RALYL: variants seen among roughly 807,000 people sequenced by gnomAD.
The protein encoded by RALYL is RNA-binding Raly-like protein.
A neutral mutation model predicts 35.1 loss-of-function variants in RALYL; 29 were observed. The observed-to-expected ratio is 0.83, with a 90% CI of 0.61 to 1.13. The LOEUF (loss-of-function observed/expected upper bound fraction) is 1.13, where lower values mean the gene tolerates loss of function less well. Ranked by LOEUF, RALYL falls within the 50% of genes most tolerant of loss-of-function variation. RALYL has a pLI of 0.00. For missense variants in RALYL, 359 were observed against 360.4 expected, an observed-to-expected ratio of 1.00 and a Z score of 0.03; for synonymous variants, 120 against 127.6, an observed-to-expected ratio of 0.94 and a Z score of 0.40.
At chr8:84,384,288 C>T (rs540125376) in intron 1 of RALYL, among the ~76,000 whole-genome samples, 22 of 151,670 alleles carry the variant, frequency 1.5e-4, no homozygotes, top group Admixed American at 3.9e-4. Flanking sequence ...ACTTTGAAAA[C>T]GAAAATCCTT....
At position 84,498,874 on chromosome 8, in the gene RALYL, A is replaced by T. The variant is rs935300849; in HGVS notation, c.-23-30425A>T. On this transcript the variant is annotated intron_variant, in intron 1 of 8. Transcript: ENST00000521268. ...TAATAACTTTAAAAGAACTAGAATT[A>T]AAAAAAATCCAGCATAATAATATTC... Among the ~76,000 whole-genome samples the T allele has an allele frequency of 4.6e-5, 7 of 152,140 alleles. No individual in the cohort carries two copies. In the East Asian group the frequency reaches 5.8e-4, roughly 13 times the overall value.
At chr8:84,233,743 G>T (rs1293734781) in intron 1 of RALYL, among the ~76,000 whole-genome samples, 3 of 152,140 alleles carry the variant, frequency 2.0e-5, no homozygotes, top group Non-Finnish European at 4.4e-5. Context: ...TCATATTCTG[G>T]GGTCTCATGG....
chr8:84,554,024 C>T (rs963213932), intron 2 of RALYL, among the ~76,000 whole-genome samples: 6 of 152,154 alleles, frequency 3.9e-5, no homozygotes, highest in African/African-American at 1.2e-4. Flanking sequence ...GACATAATCA[C>T]ATCCCTAATA....
chr8:84,699,487 G>A (rs1287491257), intron 2 of RALYL, among the ~76,000 whole-genome samples: 3 of 151,976 alleles, frequency 2.0e-5, no homozygotes, highest in Admixed American at 2.0e-4. Context: ...ATCTTGTGAG[G>A]GCCTTCTTTC....
chr8:84,878,606 G>GA (rs71273916), intron 7 of RALYL, among the ~76,000 whole-genome samples: 63,707 of 144,418 alleles, frequency 0.44, 16,888 homozygotes, highest in Non-Finnish European at 0.59. Flanking sequence ...ACTTCAAAAA[G>GA]AAAAAAAAAA....
At chr8:84,786,458 G>C (rs540746261) in intron 3 of RALYL, among the ~76,000 whole-genome samples, 1 of 152,212 alleles carries the variant, frequency 6.6e-6, no homozygotes, top group African/African-American at 2.4e-5. Flanking sequence ...GTGTAAAAGA[G>C]TTCTTATTTC....
chr8:84,188,715 T>C (rs1206178378), intron 1 of RALYL, among the ~76,000 whole-genome samples: 1 of 152,134 alleles, frequency 6.6e-6, no homozygotes, highest in Non-Finnish European at 1.5e-5. Flanking sequence ...CTTCCTTTTA[T>C]TATTAAATTT....
intron 4 of RALYL, among the ~76,000 whole-genome samples, chr8:84,807,594 GT>G (rs1824953560): frequency 6.6e-6 from 1 of 152,118 alleles, no homozygotes; most frequent in Non-Finnish European, 1.5e-5. Flanking sequence ...TCTTTACACT[GT>G]TTTCTATAGT....
rs747485677 is a variant in RALYL at position 84,299,781 on chromosome 8, G to GT, written c.-24+115363dup. Reference sequence around the variant, plus strand: ...AAGAGTTTGAAATGGTTTCTGCAGGGTTTTTTGTGTTTCTGAGACATCAGT... The same window carrying GT: ...AAGAGTTTGAAATGGTTTCTGCAGGGTTTTTTTGTGTTTCTGAGACATCAGT... On this transcript the variant is annotated intron_variant, in intron 1 of 8. Coordinates refer to ENST00000521268, the MANE Select transcript of RALYL (RefSeq NM_173848.7). 2.0e-4 allele frequency among the ~76,000 whole-genome samples: 30 copies of GT among 152,068 alleles called. 1 individual carries two copies. Among genetic ancestry groups the GT allele is most frequent in the South Asian group, 1.0e-3 (5 of 4,820 alleles).
intron 1 of RALYL, among the ~76,000 whole-genome samples, chr8:84,469,984 C>T (rs995280773): frequency 2.0e-4 from 31 of 152,144 alleles, no homozygotes; most frequent in African/African-American, 6.0e-4. Flanking sequence ...GGCAATGCCT[C>T]GCCCTGCTTC....
At chr8:84,828,696 T>A (rs1353189763) in intron 4 of RALYL, 1 of 184,938 alleles carries the variant, frequency 5.4e-6, no homozygotes, top group Non-Finnish European at 1.2e-5. Context: ...GTTTCTTGCT[T>A]AGCAAACTAC....
chr8:84,801,755 G>A (rs1299425974), intron 3 of RALYL, among the ~76,000 whole-genome samples: 6 of 152,152 alleles, frequency 3.9e-5, no homozygotes, highest in Admixed American at 3.3e-4. Context: ...AAGCAGTAAA[G>A]AATGACATGG....
intron 1 of RALYL, among the ~76,000 whole-genome samples, chr8:84,360,585 C>T (rs1316665866): frequency 1.3e-5 from 2 of 152,044 alleles, no homozygotes; most frequent in African/African-American, 4.8e-5. Flanking sequence ...CAAGAGGAAG[C>T]AGGGGGCACA....
At chr8:84,752,625 C>T (rs1033777661) in intron 2 of RALYL, among the ~76,000 whole-genome samples, 1 of 152,134 alleles carries the variant, frequency 6.6e-6, no homozygotes, top group Non-Finnish European at 1.5e-5. Flanking sequence ...GGGCCCAGTT[C>T]CCCTGTGCAG....
intron 2 of RALYL, among the ~76,000 whole-genome samples, chr8:84,652,568 C>T (rs1829070181): frequency 6.6e-6 from 1 of 151,958 alleles, no homozygotes; most frequent in Non-Finnish European, 1.5e-5. Flanking sequence ...TTTAAAATGG[C>T]TCTTTATTAG....
chr8:84,855,542 A>C (rs1051302962), intron 5 of RALYL, among the ~76,000 whole-genome samples: 1 of 152,198 alleles, frequency 6.6e-6, no homozygotes, highest in Non-Finnish European at 1.5e-5. Flanking sequence ...TCTCTTTTAC[A>C]CAAAGCATTG....
intron 1 of RALYL, among the ~76,000 whole-genome samples, chr8:84,439,151 G>A (rs549812361): frequency 3.9e-5 from 6 of 151,930 alleles, no homozygotes; most frequent in African/African-American, 9.7e-5. Context: ...CAGGAATAGT[G>A]TTGAATCCAT....
At chr8:84,552,174 A>G (rs180814335) in intron 2 of RALYL, among the ~76,000 whole-genome samples, 2 of 151,178 alleles carry the variant, frequency 1.3e-5, no homozygotes, top group Non-Finnish European at 1.5e-5. Context: ...AGTGAGAGGA[A>G]AGTTTTAAAA....
chr8:84,759,514 A>G (rs188517230), intron 2 of RALYL, among the ~76,000 whole-genome samples: 6 of 152,308 alleles, frequency 3.9e-5, no homozygotes, highest in African/African-American at 7.2e-5. Flanking sequence ...TCAGGTATCT[A>G]TGGTTGCCCA....
Sources: allele counts gnomAD v4.1 joint callset (sites outside exome capture counted in the v4.1 genomes callset), GRCh38; gene constraint gnomAD v4.1.1; transcripts MANE v1.5; gene names NCBI Gene and HGNC (gene_info 2026-07-23, HGNC 2026-07-21).